ATP9B: variants seen among roughly 807,000 people sequenced by gnomAD.
ATP9B encodes probable phospholipid-transporting ATPase IIB.
A neutral mutation model predicts 146.1 loss-of-function variants in ATP9B; 110 were observed. That is an observed-to-expected ratio of 0.75 (90% CI 0.65 to 0.88). The LOEUF (loss-of-function observed/expected upper bound fraction) is 0.88. Ranked by LOEUF, ATP9B falls within the 40% of genes least tolerant of loss-of-function variation. ATP9B has a pLI of 0.00. For missense variants in ATP9B, 1,499 were observed against 1,496.4 expected (o/e 1.00, Z -0.03); for synonymous variants, 604 against 569.7 (o/e 1.06, Z -0.86).
intron 5 of ATP9B, among the ~76,000 whole-genome samples, chr18:79,129,889 A>G (rs893232372): frequency 6.6e-6 from 1 of 152,076 alleles, no homozygotes; most frequent in African/African-American, 2.4e-5. Context: ...AATTACAGGC[A>G]TGCGCCACCA....
intron 8 of ATP9B, among the ~76,000 whole-genome samples, chr18:79,187,554 A>C (rs1229635522): frequency 6.6e-6 from 1 of 152,190 alleles, no homozygotes; most frequent in African/African-American, 2.4e-5. Flanking sequence ...TCTATTTTTC[A>C]AAGGAAATGG....
At chr18:79,161,981 T>G (rs1422223494) in intron 7 of ATP9B, among the ~76,000 whole-genome samples, 1 of 152,266 alleles carries the variant, frequency 6.6e-6, no homozygotes, top group African/African-American at 2.4e-5. Flanking sequence ...AAATTCTGTT[T>G]ATGTGATTTT....
At chr18:79,125,152 C>T (rs183930623) in intron 4 of ATP9B, among the ~76,000 whole-genome samples, 63 of 152,126 alleles carry the variant, frequency 4.1e-4, no homozygotes, top group African/African-American at 1.1e-3. Context: ...AAAAGGTTTC[C>T]GATGGTGCAG....
intron 10 of ATP9B, among the ~76,000 whole-genome samples, chr18:79,211,228 G>A (rs1302022185): frequency 1.3e-5 from 2 of 152,156 alleles, no homozygotes; most frequent in Non-Finnish European, 2.9e-5. Flanking sequence ...GACCTTGTTA[G>A]CATTCTTTGT....
At chr18:79,232,456 C>G (rs1332449605) in intron 11 of ATP9B, among the ~76,000 whole-genome samples, 4 of 152,184 alleles carry the variant, frequency 2.6e-5, no homozygotes, top group African/African-American at 9.7e-5. Flanking sequence ...GCCCCTAACA[C>G]CTACAGCTGC....
chr18:79,345,943 C>A, intron 23 of ATP9B, 104 bp downstream of exon 23: 1 of 1,288,154 alleles, frequency 7.8e-7, no homozygotes, highest in Non-Finnish European at 1.1e-6. Context: ...TTGGTCAGTG[C>A]ACGTCAGCAT....
chr18:79,140,702 C>T (rs1052968368), intron 5 of ATP9B, among the ~76,000 whole-genome samples: 1 of 152,060 alleles, frequency 6.6e-6, no homozygotes, highest in Admixed American at 6.5e-5. Context: ...ATCACTTGAA[C>T]CCTGGAGGCG....
intron 26 of ATP9B, among the ~76,000 whole-genome samples, chr18:79,364,974 G>A (rs985685110): frequency 5.9e-5 from 9 of 151,982 alleles, no homozygotes; most frequent in Non-Finnish European, 5.9e-5. Context: ...AGGCTGCAGT[G>A]AGCTGTGATT....
At chr18:79,355,353 G>C (rs1001217336) in intron 25 of ATP9B, among the ~76,000 whole-genome samples, 1 of 152,196 alleles carries the variant, frequency 6.6e-6, no homozygotes, top group Non-Finnish European at 1.5e-5. Context: ...CTGGGAAACA[G>C]TCATTACCAA....
Position 79,163,869 on chromosome 18 carries a change from TACAC to T in ATP9B, c.778+9348_778+9351del, listed in dbSNP as rs56408063. On this transcript the variant is annotated intron_variant, in intron 7 of 29. Transcript: ENST00000426216. Reference sequence around the variant, plus strand: ...TATTTTATTTTCATATTTTATTTTATACACACACACACACACACACACACACACA... The same window carrying T: ...TATTTTATTTTCATATTTTATTTTATACACACACACACACACACACACACA... Among the ~76,000 whole-genome samples, 1,122 of 142,760 alleles carry T rather than the reference TACAC, an allele frequency of 7.9e-3. 8 individuals are homozygous for T. The highest frequency in any genetic ancestry group is 0.01 in the Non-Finnish European group (670 of 65,688). The allele number at this position is 142,760 out of a possible 152,430, so 93.7% of individuals were successfully genotyped here.
In ATP9B at chr18:79,166,008, TTGA is replaced by T. The variant is rs2094959077; in HGVS notation, c.779-10801_779-10799del. Among the ~76,000 whole-genome samples the T allele has an allele frequency of 2.0e-5, 3 of 152,136 alleles. No homozygotes were observed. In the South Asian group the frequency reaches 6.2e-4, roughly 32 times the overall value. ...CCACAACCCCATCCCCAGTGCCCAC[TTGA>T]TGACCTGAGTATCCCTCCTGGTAGA... is the stretch of plus-strand genomic sequence containing the variant. On this transcript the variant is annotated intron_variant, in intron 7 of 29. Transcript: ENST00000426216.
chr18:79,110,274 G>T (rs2075917547), intron 2 of ATP9B, 81 bp from the exon 3 acceptor site: 4 of 1,319,338 alleles, frequency 3.0e-6, no homozygotes, highest in South Asian at 1.7e-5. Flanking sequence ...AATCAATATT[G>T]ACTCTAAATA....
chr18:79,177,952 T>C (rs899949731), intron 8 of ATP9B, among the ~76,000 whole-genome samples: 3 of 152,214 alleles, frequency 2.0e-5, no homozygotes, highest in African/African-American at 7.2e-5. Context: ...TTTAGAGTTA[T>C]TACAACTTAA....
intron 12 of ATP9B, among the ~76,000 whole-genome samples, chr18:79,262,369 T>C (rs1317777960): frequency 6.6e-6 from 1 of 152,178 alleles, no homozygotes; most frequent in African/African-American, 2.4e-5. Flanking sequence ...ACTAGTTTTA[T>C]CTAAAGTTTA....
chr18:79,250,916 A>G (rs2096016557), intron 11 of ATP9B, among the ~76,000 whole-genome samples: 1 of 152,168 alleles, frequency 6.6e-6, no homozygotes, highest in African/African-American at 2.4e-5. Flanking sequence ...ACTTGGCTAG[A>G]AGGGGATCTG....
rs1222842031 is a variant in ATP9B, at chr18:79,151,759, C to T, written c.727-2745C>T. Among the ~76,000 whole-genome samples the T allele has an allele frequency of 3.4e-5, 5 of 149,114 alleles. No individual in the cohort carries two copies. In the East Asian group the frequency reaches 1.0e-3, roughly 30 times the overall value. Reference sequence around the variant, plus strand: ...TTTTTTTTTATGAAGTTCTGGGATACATGTGCAGAACGTGCAAGTTTGTTA... The same window carrying T: ...TTTTTTTTTATGAAGTTCTGGGATATATGTGCAGAACGTGCAAGTTTGTTA... On this transcript the variant is annotated intron_variant, in intron 6 of 29. Transcript: ENST00000426216.
At chr18:79,192,821 G>A (rs2095380560) in intron 8 of ATP9B, among the ~76,000 whole-genome samples, 1 of 152,126 alleles carries the variant, frequency 6.6e-6, no homozygotes, top group Non-Finnish European at 1.5e-5. Flanking sequence ...GTGAGGAATT[G>A]CGATGGTTCC....
chr18:79,170,919 A>G (rs1462830639), intron 7 of ATP9B, among the ~76,000 whole-genome samples: 1 of 152,292 alleles, frequency 6.6e-6, no homozygotes, highest in South Asian at 2.1e-4. Context: ...CAAAACTTGG[A>G]GGAAAAACCA....
intron 7 of ATP9B, among the ~76,000 whole-genome samples, chr18:79,175,032 C>A (rs1255772731): frequency 6.6e-6 from 1 of 151,818 alleles, no homozygotes; most frequent in Middle Eastern, 3.2e-3. Context: ...AACCCTGTCT[C>A]TACTAAAAAT....
Sources: allele counts gnomAD v4.1 joint callset (sites outside exome capture counted in the v4.1 genomes callset), GRCh38; gene constraint gnomAD v4.1.1; transcripts MANE v1.5; gene names NCBI Gene and HGNC (gene_info 2026-07-23, HGNC 2026-07-21).